Variants in DDX10 observed in about 807,000 individuals in gnomAD.
The protein encoded by DDX10 is probable ATP-dependent RNA helicase DDX10.
A neutral mutation model predicts 104.3 loss-of-function variants in DDX10; 74 were observed. That is an observed-to-expected ratio of 0.71 (90% CI 0.59 to 0.86). The LOEUF (loss-of-function observed/expected upper bound fraction) is 0.86, where lower values mean the gene tolerates loss of function less well. DDX10 is among the 40% of genes least tolerant of loss of function. DDX10 has a pLI of 0.00. For synonymous variants in DDX10, 351 were observed against 353.4 expected, an observed-to-expected ratio of 0.99 and a Z score of 0.08; for missense variants, 952 against 1,040.0, an observed-to-expected ratio of 0.92 and a Z score of 1.16.
At position 108,799,660 on chromosome 11, in the gene DDX10, G is replaced by C. The variant is rs1220509302; in HGVS notation, c.1966-38786G>C. Among the ~76,000 whole-genome samples the C allele has an allele frequency of 7.2e-5, 11 of 152,296 alleles. No homozygotes were observed. The East Asian group carries it at 1.9e-3, about 27-fold the overall frequency. ...TCCCATTGAGAAAGGTCTAGTCTGA[G>C]TTTGTTTCCTTCTTTTGACCTTGCG... On this transcript the variant is annotated intron_variant, in intron 13 of 17. Coordinates refer to ENST00000322536, the MANE Select transcript of DDX10 (RefSeq NM_004398.4).
In DDX10 at chr11:108,677,155, C is replaced by G. The variant is rs147801755; in HGVS notation, c.449C>G (p.Thr150Arg). The G allele has an allele frequency of 4.3e-6, 7 of 1,613,684 alleles. No individual in the cohort carries two copies. The highest frequency in any genetic ancestry group is 5.9e-6 in the Non-Finnish European group (7 of 1,179,884). The change falls in exon 4 of 18, where the codon ACG (threonine) becomes AGG (arginine). Residue 150 changes from threonine (T) to arginine (R), a missense_variant. Thr to Arg is a moderately conservative substitution (Grantham distance 71, BLOSUM62 -1). Transcript: ENST00000322536. Reference protein sequence around the residue: ...DGLGVLIISPTRELAYQTFEV... With the variant: ...DGLGVLIISPRRELAYQTFEV... ...CTGGGGGTTCTCATAATATCACCTA[C>G]GAGAGAACTGGCCTATCAGACCTTT...
intron 13 of DDX10, among the ~76,000 whole-genome samples, chr11:108,763,327 T>A (rs2134518074): frequency 6.6e-6 from 1 of 152,318 alleles, no homozygotes; most frequent in Middle Eastern, 3.4e-3. Context: ...CACTTGGGCT[T>A]ATTTTTACTG....
At chr11:108,830,376 T>C (rs980754452) in intron 13 of DDX10, among the ~76,000 whole-genome samples, 1 of 152,224 alleles carries the variant, frequency 6.6e-6, no homozygotes, top group Non-Finnish European at 1.5e-5. Flanking sequence ...TGTTGGTGTA[T>C]AGCAGTGCTA....
chr11:108,786,987 C>G (rs1209429850), intron 13 of DDX10, among the ~76,000 whole-genome samples: 1 of 150,244 alleles, frequency 6.7e-6, no homozygotes, highest in Non-Finnish European at 1.5e-5. Context: ...AGGTTTTAAA[C>G]TTTTATTTCA....
chr11:108,779,741 T>G (rs1218190761), intron 13 of DDX10, among the ~76,000 whole-genome samples: 1 of 152,210 alleles, frequency 6.6e-6, no homozygotes, highest in African/African-American at 2.4e-5. Flanking sequence ...AACATTTCAT[T>G]GTTTTGGAGT....
At chr11:108,829,538 G>A (rs1380763762) in intron 13 of DDX10, among the ~76,000 whole-genome samples, 1 of 152,206 alleles carries the variant, frequency 6.6e-6, no homozygotes, top group Non-Finnish European at 1.5e-5. Flanking sequence ...CACTCTGTGG[G>A]TTGTCTGTTA....
At chr11:108,915,021 A>G (rs1591123872) in intron 16 of DDX10, among the ~76,000 whole-genome samples, 1 of 152,164 alleles carries the variant, frequency 6.6e-6, no homozygotes, top group African/African-American at 2.4e-5. Context: ...AACAGAACCT[A>G]TGAGACCTGT....
chr11:108,748,955 C>T (rs1014570517), intron 13 of DDX10, among the ~76,000 whole-genome samples: 2 of 152,012 alleles, frequency 1.3e-5, no homozygotes, highest in African/African-American at 4.8e-5. Context: ...TGAGCCACCA[C>T]GCCTGGCCTA....
intron 13 of DDX10, among the ~76,000 whole-genome samples, chr11:108,771,790 A>C (rs2094363525): frequency 6.6e-6 from 1 of 152,228 alleles, no homozygotes; most frequent in Non-Finnish European, 1.5e-5. Context: ...CTTGTTAGCA[A>C]GGAAAGGTAG....
chr11:108,813,064 A>AT (rs1862206918), intron 13 of DDX10, among the ~76,000 whole-genome samples: 1 of 151,852 alleles, frequency 6.6e-6, no homozygotes, highest in Non-Finnish European at 1.5e-5. Context: ...TTCATGATGC[A>AT]TGTTTTTGAA....
At chr11:108,692,646 A>G (rs1400648746) in intron 8 of DDX10, among the ~76,000 whole-genome samples, 1 of 152,210 alleles carries the variant, frequency 6.6e-6, no homozygotes, top group African/African-American at 2.4e-5. Context: ...CATAAACAAA[A>G]GCTGAATATG....
intron 16 of DDX10, among the ~76,000 whole-genome samples, chr11:108,908,397 CTT>C (rs1863625696): frequency 6.6e-6 from 1 of 152,090 alleles, no homozygotes; most frequent in African/African-American, 2.4e-5. Flanking sequence ...AATTTTTCCT[CTT>C]CATGAAATTT....
At position 108,677,235 on chromosome 11, in the gene DDX10, G is replaced by T. The variant is rs2094226802; in HGVS notation, c.529G>T (p.Gly177Cys). ...TGACTTCTCAGCTGGTCTCATCATT[G>T]GTGGAAAGGTTTGTCCTTTTGTCTA... is the stretch of plus-strand genomic sequence containing the variant. ...NHDFSAGLII[G>C]GKDLKHEAER... Residue 177 changes from glycine (G) to cysteine (C), a missense_variant, in exon 4 of 18, where the codon GGT (glycine) becomes TGT (cysteine). Coordinates refer to ENST00000322536, the MANE Select transcript of DDX10 (RefSeq NM_004398.4). 6.2e-7 allele frequency: 1 copy of T among 1,612,762 alleles called. No individual in the cohort carries two copies. The highest frequency in any genetic ancestry group is 1.3e-5 in the African/African-American group (1 of 74,930).
At chr11:108,806,765 G>A (rs923545790) in intron 13 of DDX10, among the ~76,000 whole-genome samples, 5 of 152,136 alleles carry the variant, frequency 3.3e-5, no homozygotes, top group African/African-American at 1.2e-4. Flanking sequence ...CCATCTAAGA[G>A]GTGGGGAAGA....
At chr11:108,678,760 G>C (rs956778476) in intron 5 of DDX10, among the ~76,000 whole-genome samples, 1 of 151,742 alleles carries the variant, frequency 6.6e-6, no homozygotes, top group African/African-American at 2.4e-5. Flanking sequence ...TTTTGCTTGG[G>C]AATACTACCT....
At chr11:108,765,560 G>A (rs2094355478) in intron 13 of DDX10, among the ~76,000 whole-genome samples, 1 of 152,048 alleles carries the variant, frequency 6.6e-6, no homozygotes, top group Non-Finnish European at 1.5e-5. Flanking sequence ...AAAATATTTC[G>A]ACTGCAGTTT....
At chr11:108,714,429 A>T (rs1443284567) in intron 10 of DDX10, among the ~76,000 whole-genome samples, 4 of 150,854 alleles carry the variant, frequency 2.7e-5, no homozygotes, top group Non-Finnish European at 5.9e-5. Flanking sequence ...AGAGTTTTAA[A>T]TTTTTTTTTC....
At chr11:108,763,208 C>T (rs2094352766) in intron 13 of DDX10, among the ~76,000 whole-genome samples, 1 of 152,076 alleles carries the variant, frequency 6.6e-6, no homozygotes, top group South Asian at 2.1e-4. Context: ...CCTTGGTGGC[C>T]AGATCACACT....
intron 13 of DDX10, among the ~76,000 whole-genome samples, chr11:108,818,033 A>C (rs981066542): frequency 5.9e-5 from 9 of 152,224 alleles, no homozygotes; most frequent in African/African-American, 2.2e-4. Context: ...ACCTGTCTTT[A>C]AAGTAAACTG....
Sources: allele counts gnomAD v4.1 joint callset (sites outside exome capture counted in the v4.1 genomes callset), GRCh38; gene constraint gnomAD v4.1.1; transcripts MANE v1.5; gene names NCBI Gene and HGNC (gene_info 2026-07-23, HGNC 2026-07-21).